The following ZNF148 variants were observed in gnomAD, a reference collection of about 807,000 sequenced individuals.
ZNF148 encodes the protein zinc finger protein 148, also known as Beta-Enolase Repressor Factor-1.
In ZNF148, 7 loss-of-function variants were observed where a neutral mutation model predicts 67.7. That is an observed-to-expected ratio of 0.10 (90% CI 0.06 to 0.19). ZNF148 has a LOEUF of 0.19. Among genes scored for constraint, ZNF148 ranks in the 10% least tolerant of loss-of-function variants. The probability of loss-of-function intolerance (pLI) is 1.00; values close to 1 mark genes in which losing one functional copy is unlikely to be tolerated. For synonymous variants in ZNF148, 333 were observed against 330.7 expected (o/e 1.01, Z -0.08); for missense variants, 583 against 947.1 (o/e 0.62, Z 5.05).
At chr3:125,241,530 C>G (rs777032871) in intron 7 of ZNF148, among the ~76,000 whole-genome samples, 18 of 152,016 alleles carry the variant, frequency 1.2e-4, no homozygotes, top group Non-Finnish European at 2.4e-4. Context: ...ATTCACTGTT[C>G]TTATCTTTTC....
At chr3:125,308,400 C>T (rs931686313) in intron 4 of ZNF148, among the ~76,000 whole-genome samples, 2 of 151,592 alleles carry the variant, frequency 1.3e-5, no homozygotes, top group African/African-American at 4.8e-5. Flanking sequence ...ATAAAGAAAA[C>T]CTAAATAAAA....
At chr3:125,263,375 AC>A (rs1937426498) in intron 7 of ZNF148, among the ~76,000 whole-genome samples, 1 of 152,128 alleles carries the variant, frequency 6.6e-6, no homozygotes, top group African/African-American at 2.4e-5. Flanking sequence ...ACATGGTGGA[AC>A]CCTGTCTCTA....
intron 7 of ZNF148, among the ~76,000 whole-genome samples, chr3:125,268,671 C>A (rs1937595567): frequency 6.6e-6 from 1 of 152,124 alleles, no homozygotes; most frequent in Non-Finnish European, 1.5e-5. Flanking sequence ...CTAAGTCCCG[C>A]AATTGCAACA....
chr3:125,257,678 A>T (rs1937148493), intron 7 of ZNF148, among the ~76,000 whole-genome samples: 1 of 152,064 alleles, frequency 6.6e-6, no homozygotes, highest in Admixed American at 6.5e-5. Context: ...TTTTCAAAAT[A>T]AGGAAATGCT....
intron 4 of ZNF148, among the ~76,000 whole-genome samples, chr3:125,304,301 T>C (rs1384098969): frequency 6.6e-6 from 1 of 152,012 alleles, no homozygotes; most frequent in Non-Finnish European, 1.5e-5. Context: ...GAGTCTAGAT[T>C]GTGGGAAAAG....
intron 5 of ZNF148, among the ~76,000 whole-genome samples, chr3:125,283,674 A>G (rs1019482034): frequency 6.6e-6 from 1 of 152,142 alleles, no homozygotes; most frequent in Non-Finnish European, 1.5e-5. Flanking sequence ...GTTCATCTTT[A>G]AAGCTACTTC....
At chr3:125,294,581 TG>T (rs1939188241) in intron 4 of ZNF148, among the ~76,000 whole-genome samples, 1 of 152,246 alleles carries the variant, frequency 6.6e-6, no homozygotes, top group African/African-American at 2.4e-5. Flanking sequence ...TTTGTGATTC[TG>T]CCTCCTCAGC....
chr3:125,262,819 A>G (rs1283646536), intron 7 of ZNF148, among the ~76,000 whole-genome samples: 1 of 152,254 alleles, frequency 6.6e-6, no homozygotes, highest in Non-Finnish European at 1.5e-5. Flanking sequence ...TAAGCCCACC[A>G]GAGCAAATGA....
chr3:125,316,600 A>G (rs1164517824), intron 3 of ZNF148, among the ~76,000 whole-genome samples: 1 of 152,192 alleles, frequency 6.6e-6, no homozygotes, highest in Non-Finnish European at 1.5e-5. Context: ...ATGATCAACA[A>G]TGTTGAGCAC....
intron 7 of ZNF148, among the ~76,000 whole-genome samples, chr3:125,252,346 A>G (rs1290344245): frequency 1.1e-5 from 1 of 91,678 alleles, no homozygotes; most frequent in Non-Finnish European, 3.3e-5. Context: ...TTCTAATAGA[A>G]GTTTCATTAT....
chr3:125,324,758 T>C (rs1940946663), intron 2 of ZNF148, among the ~76,000 whole-genome samples: 1 of 152,236 alleles, frequency 6.6e-6, no homozygotes, highest in Admixed American at 6.5e-5. Flanking sequence ...CACTAATGAT[T>C]TCCTCTTTGA....
In ZNF148 at chr3:125,225,875, G is replaced by A. The variant is rs762017979; in HGVS notation, c.*6466C>T. ...GCTAATAATAAGGCCAGGGTCCTAG[G>A]ACTGATCATTGCGAGGGCCAATTAG... On this transcript the variant is annotated 3_prime_UTR_variant, in exon 9 of 9. Transcript: ENST00000360647. 2 of 152,118 alleles carry A rather than the reference G, an allele frequency of 1.3e-5. No homozygotes were observed. The highest frequency in any genetic ancestry group is 2.9e-5 in the Non-Finnish European group (2 of 68,022). The allele number at this position is 152,118 out of a possible 1,614,324, so 9.4% of individuals were successfully genotyped here. A position where few individuals can be genotyped will look rare whatever the true frequency, so the allele number is the denominator to read the frequency against.
At chr3:125,286,961 GA>G in intron 5 of ZNF148, among the ~76,000 whole-genome samples, 1 of 152,190 alleles carries the variant, frequency 6.6e-6, no homozygotes, top group South Asian at 2.1e-4. Flanking sequence ...ACCAACTAAG[GA>G]ATCAGGAGGT....
Position 125,233,018 on chromosome 3 carries a change from T to C in ZNF148, c.1708A>G (p.Ser570Gly), listed in dbSNP as rs767342336. ...ACTTCTGAAGAATTTATTGATATGC[T>C]AGAAGTCACTTCAGTATCTGCAACA... Reference protein sequence around the residue: ...FSVADTEVTSSISINSSEVPE... With the variant: ...FSVADTEVTSGISINSSEVPE... Residue 570 changes from serine to glycine, a missense_variant, in exon 9 of 9, where the codon AGC becomes GGC. By Grantham distance (56) the Ser-to-Gly change is moderately conservative. Coordinates refer to ENST00000360647, the MANE Select transcript of ZNF148 (RefSeq NM_021964.3). The surrounding 1 kb of genome is among the most constrained non-coding windows in gnomAD (Gnocchi z 5.1). 5.0e-6 allele frequency: 8 copies of C among 1,613,508 alleles called. No individual in the cohort carries two copies. In the African/African-American group the frequency reaches 1.1e-4, roughly 22 times the overall value.
At chr3:125,283,805 C>A (rs974238932) in intron 5 of ZNF148, among the ~76,000 whole-genome samples, 2 of 152,102 alleles carry the variant, frequency 1.3e-5, no homozygotes, top group African/African-American at 4.8e-5. Context: ...ATACCAAAGT[C>A]TAAAATCTTT....
chr3:125,346,635 G>T (rs1304208365), intron 1 of ZNF148, among the ~76,000 whole-genome samples: 1 of 152,276 alleles, frequency 6.6e-6, no homozygotes, highest in East Asian at 1.9e-4. Context: ...GTTCTCAAAA[G>T]ATGTGATGGT....
At chr3:125,336,368 T>A (rs1941493303) in intron 1 of ZNF148, among the ~76,000 whole-genome samples, 1 of 152,242 alleles carries the variant, frequency 6.6e-6, no homozygotes, top group African/African-American at 2.4e-5. Context: ...CTTACTTTTA[T>A]GATTTAATGA....
At chr3:125,292,882 T>C in intron 4 of ZNF148, 1 of 152,170 alleles carries the variant, frequency 6.6e-6, no homozygotes, top group East Asian at 1.9e-4. Context: ...AGAGGCTAAT[T>C]AAAATGTGAT....
intron 7 of ZNF148, among the ~76,000 whole-genome samples, chr3:125,276,200 C>G (rs1938052617): frequency 6.6e-6 from 1 of 152,074 alleles, no homozygotes; most frequent in Non-Finnish European, 1.5e-5. Flanking sequence ...TCATTTGTAT[C>G]TGATCAGGTT....
Sources: gnomAD v4.1 joint callset for allele counts (sites outside exome capture counted in the v4.1 genomes callset) on GRCh38, gnomAD v4.1.1 for gene constraint, Gnocchi (gnomAD v3.1) non-coding constraint, MANE v1.5 for transcripts, NCBI Gene and HGNC (gene_info 2026-07-23, HGNC 2026-07-21) for gene names.